Variants in UBTD1 observed in about 807,000 individuals in gnomAD.
UBTD1 encodes ubiquitin domain-containing protein 1.
In UBTD1, 19 loss-of-function variants were observed where a neutral mutation model predicts 21.7. That is an observed-to-expected ratio of 0.87 (90% confidence interval 0.61 to 1.28). The LOEUF (loss-of-function observed/expected upper bound fraction) is 1.28, where lower values mean the gene tolerates loss of function less well. Among genes scored for constraint, UBTD1 ranks in the 50% most tolerant of loss-of-function variants. The pLI is 0.00. For synonymous variants in UBTD1, 116 were observed against 135.1 expected, an observed-to-expected ratio of 0.86 and a Z score of 0.98; for missense variants, 282 against 315.1, an observed-to-expected ratio of 0.89 and a Z score of 0.80.
intron 1 of UBTD1, among the ~76,000 whole-genome samples, chr10:97,547,298 C>T (rs1395206458): frequency 6.6e-6 from 1 of 152,192 alleles, no homozygotes; most frequent in East Asian, 1.9e-4. Flanking sequence ...ACCTCCCCTT[C>T]CTGGAGTCCT....
chr10:97,528,404 T>C (rs1180790769), intron 1 of UBTD1, among the ~76,000 whole-genome samples: 131 of 25,296 alleles, frequency 5.2e-3, no homozygotes, highest in Admixed American at 0.01. Flanking sequence ...GGGGGCTGAC[T>C]CCCCCACCTC....
chr10:97,539,310 T>C (rs2040577078), intron 1 of UBTD1, among the ~76,000 whole-genome samples: 1 of 152,194 alleles, frequency 6.6e-6, no homozygotes, highest in South Asian at 2.1e-4. Context: ...AAAAAAGTTT[T>C]GGGCTGGGAG....
At chr10:97,515,041 G>T (rs905664142) in intron 1 of UBTD1, among the ~76,000 whole-genome samples, 1 of 152,202 alleles carries the variant, frequency 6.6e-6, no homozygotes, top group Non-Finnish European at 1.5e-5. Context: ...ATCATCTTGG[G>T]TAGCCTGGGG....
rs761951131 is a variant in UBTD1, at chr10:97,570,224, G to C, written c.385G>C (p.Glu129Gln). The change falls in exon 3 of 3, where the codon GAG becomes CAG. Residue 129 changes from glutamate (E) to glutamine (Q), a missense_variant. Coordinates refer to ENST00000370664, the MANE Select transcript of UBTD1 (RefSeq NM_024954.5). This position sits in a 1 kb window ranked among gnomAD's most constrained non-coding sequence, Gnocchi z 6.6. ...CLSPPVNLLL[E>Q]HTEEESLEPP... is the part of the protein sequence containing the mutation. ...GTCACCGCCGGTGAACCTGCTGCTG[G>C]AGCACACGGAGGAGGAGAGCCTGGA... 2.2e-5 allele frequency: 35 copies of C among 1,613,170 alleles called. 1 individual carries two copies. The South Asian group carries it at 3.6e-4, about 17-fold the overall frequency.
At chr10:97,503,294 T>G (rs575799785) in intron 1 of UBTD1, among the ~76,000 whole-genome samples, 3 of 152,332 alleles carry the variant, frequency 2.0e-5, no homozygotes, top group Admixed American at 6.5e-5. Context: ...GCTGGGTGGT[T>G]CTTGTATGCT....
At chr10:97,562,874 A>G (rs2040699406) in intron 1 of UBTD1, among the ~76,000 whole-genome samples, 1 of 152,234 alleles carries the variant, frequency 6.6e-6, no homozygotes, top group South Asian at 2.1e-4. Context: ...ATTAATAAGA[A>G]AAACAAAACA....
Position 97,570,295 on chromosome 10 carries a change from G to A in UBTD1, c.456G>A (p.Lys152=), listed in dbSNP as rs767208253. 1 of 1,613,224 alleles carries A rather than the reference G, an allele frequency of 6.2e-7. No homozygotes were observed. Among genetic ancestry groups the A allele is most frequent in the Non-Finnish European group, 8.5e-7 (1 of 1,179,970 alleles). Residue 152 remains lysine (K), a synonymous_variant, in exon 3 of 3, where the codon AAG becomes AAA. Transcript: ENST00000370664. The surrounding 1 kb of genome is among the most constrained non-coding windows in gnomAD (Gnocchi z 6.6). ...PPSVRREFPL[K]VRLSTGKDVR... Reference sequence around the variant, plus strand: ...GCGTGCGCCGTGAGTTCCCGCTGAAGGTGCGCCTGTCCACGGGCAAGGACG... The same window carrying A: ...GCGTGCGCCGTGAGTTCCCGCTGAAAGTGCGCCTGTCCACGGGCAAGGACG...
At chr10:97,500,672 T>C (rs1445989866) in intron 1 of UBTD1, among the ~76,000 whole-genome samples, 1 of 152,234 alleles carries the variant, frequency 6.6e-6, no homozygotes, top group Non-Finnish European at 1.5e-5. Context: ...CAGACTGTCT[T>C]GGTTTTCCTT....
At position 97,570,387 on chromosome 10, in the gene UBTD1, G is replaced by T; in HGVS notation, c.548G>T (p.Gly183Val). 1 of 1,613,384 alleles carries T rather than the reference G, an allele frequency of 6.2e-7. No individual in the cohort carries two copies. Among genetic ancestry groups the T allele is most frequent in the Non-Finnish European group, 8.5e-7 (1 of 1,180,004 alleles). ...QLKRQLHAQEGIEPSWQRWFF... is the reference protein window; with the variant it reads ...QLKRQLHAQEVIEPSWQRWFF... Reference sequence around the variant, plus strand: ...AAGAGGCAGCTGCACGCCCAGGAGGGCATCGAGCCATCGTGGCAGCGGTGG... The same window carrying T: ...AAGAGGCAGCTGCACGCCCAGGAGGTCATCGAGCCATCGTGGCAGCGGTGG... The change falls in exon 3 of 3, where the codon GGC (glycine) becomes GTC (valine). Residue 183 changes from glycine (G) to valine (V), a missense_variant. Coordinates refer to ENST00000370664, the MANE Select transcript of UBTD1 (RefSeq NM_024954.5). The surrounding 1 kb of genome is among the most constrained non-coding windows in gnomAD (Gnocchi z 6.6).
chr10:97,566,537 G>A (rs2040717726), intron 1 of UBTD1, among the ~76,000 whole-genome samples: 1 of 152,158 alleles, frequency 6.6e-6, no homozygotes, highest in Admixed American at 6.5e-5. Context: ...GTGACCTGGG[G>A]CAAGTCATTT....
chr10:97,524,743 C>T (rs1022738625), intron 1 of UBTD1, among the ~76,000 whole-genome samples: 3 of 152,134 alleles, frequency 2.0e-5, no homozygotes, highest in South Asian at 2.1e-4. Flanking sequence ...CTTGTGGTCA[C>T]CTGGGATCCT....
chr10:97,528,502 C>G (rs1282492588), intron 1 of UBTD1, among the ~76,000 whole-genome samples: 1 of 83,070 alleles, frequency 1.2e-5, no homozygotes, highest in East Asian at 4.5e-4. Context: ...ACCTCCCGGA[C>G]GGGGCGGCTG....
rs1294403291 is a variant in UBTD1 at position 97,571,109 on chromosome 10, G to C, written c.*586G>C. The stretch of plus-strand genomic sequence containing the variant: ...AGGGCCATGTCCTGGCTGTAACCCA[G>C]GCAGTGGGAGGTCTGCAGCCTGGTC... On this transcript the variant is annotated 3_prime_UTR_variant, in exon 3 of 3. Coordinates refer to ENST00000370664, the MANE Select transcript of UBTD1 (RefSeq NM_024954.5). 6.5e-6 allele frequency: 1 copy of C among 153,756 alleles called. No homozygotes were observed. The highest frequency in any genetic ancestry group is 1.5e-5 in the Non-Finnish European group (1 of 68,822). 9.5% of individuals were successfully genotyped at this position (153,756 alleles called of 1,614,324 possible). A position where few individuals can be genotyped will look rare whatever the true frequency, so the allele number is the denominator to read the frequency against.
Position 97,567,961 on chromosome 10 carries a change from TA to T in UBTD1, c.119del (p.Tyr40SerfsTer3). 3.1e-6 allele frequency: 5 copies of T among 1,614,112 alleles called. No individual in the cohort carries two copies. The highest frequency in any genetic ancestry group is 4.2e-6 in the Non-Finnish European group (5 of 1,180,024). On this transcript the variant is annotated frameshift_variant, in exon 2 of 3. Coordinates refer to ENST00000370664, the MANE Select transcript of UBTD1 (RefSeq NM_024954.5). LOFTEE classifies it high-confidence loss of function. ...AGAGCGGCTTAAGTGGAAGAGCGAC[TA>T]CCCCATGACTGACGGGCAGCTGCGG... ...KKERLKWKSDYPMTDGQLRSK... is the reference protein window; with the variant it reads ...KKERLKWKSDXPMTDGQLRSK...
rs532929164 is a variant in UBTD1, at chr10:97,502,877, A to G, written c.70+3604A>G. Among the ~76,000 whole-genome samples the G allele has an allele frequency of 6.5e-4, 83 of 127,504 alleles. No homozygotes were observed. In the Middle Eastern group the frequency reaches 0.024, roughly 37 times the overall value. The allele number at this position is 127,504 out of a possible 152,430, so 83.6% of individuals were successfully genotyped here. On this transcript the variant is annotated intron_variant, in intron 1 of 2. Transcript: ENST00000370664. ...TATACGTATATATACGTATATATGT[A>G]TATATATACGTATATATATGTGTGT...
chr10:97,548,970 C>T (rs1429987111), intron 1 of UBTD1, among the ~76,000 whole-genome samples: 1 of 152,172 alleles, frequency 6.6e-6, no homozygotes, highest in Non-Finnish European at 1.5e-5. Flanking sequence ...ACTCACGGAC[C>T]AGAGAGCAGA....
In UBTD1 at chr10:97,539,032, T is replaced by C. The variant is rs544333236; in HGVS notation, c.71-28882T>C. 1.6e-3 allele frequency among the ~76,000 whole-genome samples: 248 copies of C among 152,308 alleles called. 6 individuals are homozygous for C. The highest frequency in any genetic ancestry group is 2.0e-3 in the Admixed American group (30 of 15,298). On this transcript the variant is annotated intron_variant, in intron 1 of 2. Transcript: ENST00000370664. ...AGGGCCATGCCTGGCAGTGCTTGTG[T>C]TGCCCTGGGCCTGAGGTGTCCCAGT... is the stretch of plus-strand genomic sequence containing the variant.
At chr10:97,510,585 T>C (rs1283559650) in intron 1 of UBTD1, among the ~76,000 whole-genome samples, 1 of 152,150 alleles carries the variant, frequency 6.6e-6, no homozygotes, top group East Asian at 1.9e-4. Context: ...TAAGCATTAG[T>C]TATTATTTTT....
At chr10:97,526,448 C>T (rs1011545243) in intron 1 of UBTD1, among the ~76,000 whole-genome samples, 23 of 152,152 alleles carry the variant, frequency 1.5e-4, no homozygotes, top group Non-Finnish European at 2.2e-4. Context: ...TCATCTCCAT[C>T]CCACTAAAAC....
Sources: gnomAD v4.1 joint callset for allele counts (sites outside exome capture counted in the v4.1 genomes callset) on GRCh38, gnomAD v4.1.1 for gene constraint, Gnocchi (gnomAD v3.1) non-coding constraint, MANE v1.5 for transcripts, NCBI Gene and HGNC (gene_info 2026-07-23, HGNC 2026-07-21) for gene names.